The following TMCC1 variants were observed in gnomAD, a reference collection of about 807,000 sequenced individuals.
The protein encoded by TMCC1 is transmembrane and coiled-coil domains protein 1.
In TMCC1, 15 loss-of-function variants were observed where a neutral mutation model predicts 52.4. The observed-to-expected ratio is 0.29, with a 90% CI of 0.19 to 0.44. The LOEUF is 0.44. Ranked by LOEUF, TMCC1 falls within the 20% of genes least tolerant of loss-of-function variation. TMCC1 has a pLI of 1.00. For missense variants in TMCC1, 503 were observed against 806.0 expected (o/e 0.62, Z 4.55); for synonymous variants, 279 against 301.9 (o/e 0.92, Z 0.79).
chr3:129,799,201 T>G (rs757988622), intron 4 of TMCC1, among the ~76,000 whole-genome samples: 3 of 152,210 alleles, frequency 2.0e-5, no homozygotes, highest in Non-Finnish European at 4.4e-5. Flanking sequence ...CACGGCTCTT[T>G]GAAACATGCT....
At chr3:129,794,409 T>C (rs1428640706) in intron 4 of TMCC1, 2 of 455,582 alleles carry the variant, frequency 4.4e-6, no homozygotes, top group African/African-American at 2.0e-5. Context: ...AAGGGTTTTT[T>C]AAATAACAGC....
At chr3:129,664,668 G>A (rs983790762) in intron 5 of TMCC1, among the ~76,000 whole-genome samples, 10 of 152,154 alleles carry the variant, frequency 6.6e-5, no homozygotes, top group African/African-American at 2.4e-4. Flanking sequence ...CAGTAGCTCA[G>A]TAGGATTCCA....
At chr3:129,722,670 C>A (rs892963936) in intron 4 of TMCC1, among the ~76,000 whole-genome samples, 4 of 152,176 alleles carry the variant, frequency 2.6e-5, no homozygotes, top group African/African-American at 9.7e-5. Flanking sequence ...TTAGTCTCCA[C>A]CCACTATTCC....
At chr3:129,847,234 AGAGT>A (rs1286031165) in intron 2 of TMCC1, 9 of 152,218 alleles carry the variant, frequency 5.9e-5, no homozygotes, top group Non-Finnish European at 1.0e-4. Context: ...CTACGGAATA[AGAGT>A]GAGTTACATT....
At chr3:129,835,788 G>C (rs542234347) in intron 2 of TMCC1, among the ~76,000 whole-genome samples, 1 of 152,224 alleles carries the variant, frequency 6.6e-6, no homozygotes, top group South Asian at 2.1e-4. Flanking sequence ...TGTTACTCCA[G>C]AGGGAAAACA....
intron 4 of TMCC1, among the ~76,000 whole-genome samples, chr3:129,755,429 A>T (rs1232314713): frequency 6.6e-6 from 1 of 152,216 alleles, no homozygotes; most frequent in Non-Finnish European, 1.5e-5. Context: ...AAGAGAAAGG[A>T]GAAAGTGCTA....
At chr3:129,768,294 T>C (rs1313427156) in intron 4 of TMCC1, among the ~76,000 whole-genome samples, 1 of 152,212 alleles carries the variant, frequency 6.6e-6, no homozygotes, top group East Asian at 1.9e-4. Flanking sequence ...AGTATGAAGA[T>C]GTTTCATTAC....
intron 4 of TMCC1, among the ~76,000 whole-genome samples, chr3:129,797,946 C>T (rs1251475295): frequency 1.3e-5 from 2 of 149,900 alleles, no homozygotes; most frequent in Non-Finnish European, 3.0e-5. Context: ...AATTTAATTC[C>T]AAGTGGAAAG....
At chr3:129,799,095 A>G (rs2057026343) in intron 4 of TMCC1, among the ~76,000 whole-genome samples, 1 of 152,218 alleles carries the variant, frequency 6.6e-6, no homozygotes, top group Non-Finnish European at 1.5e-5. Flanking sequence ...TTGGTGATCA[A>G]AAATTTGAGT....
intron 4 of TMCC1, among the ~76,000 whole-genome samples, chr3:129,782,678 G>A (rs1336228405): frequency 6.6e-6 from 1 of 152,158 alleles, no homozygotes; most frequent in African/African-American, 2.4e-5. Context: ...AGTAGAAGGG[G>A]TTGGAGGAAA....
intron 6 of TMCC1, among the ~76,000 whole-genome samples, chr3:129,654,307 C>T (rs2086537642): frequency 6.6e-6 from 1 of 152,170 alleles, no homozygotes; most frequent in Admixed American, 6.5e-5. Context: ...TAAGCAGGGC[C>T]TGAAGAAGAT....
chr3:129,854,893 A>G (rs929304090), intron 2 of TMCC1, among the ~76,000 whole-genome samples: 4 of 152,186 alleles, frequency 2.6e-5, no homozygotes, highest in African/African-American at 9.6e-5. Flanking sequence ...TCCATGGGGG[A>G]AGGGTATCAC....
intron 4 of TMCC1, among the ~76,000 whole-genome samples, chr3:129,809,781 CA>C (rs2057698073): frequency 6.6e-6 from 1 of 152,196 alleles, no homozygotes; most frequent in Non-Finnish European, 1.5e-5. Flanking sequence ...ATTTTGCAAA[CA>C]ATTTTCCCGG....
Position 129,823,191 on chromosome 3 carries a change from T to C in TMCC1, c.576+4612A>G, listed in dbSNP as rs530915201. 2.0e-5 allele frequency among the ~76,000 whole-genome samples: 3 copies of C among 152,120 alleles called. No homozygotes were observed. The South Asian group carries it at 6.2e-4, about 32-fold the overall frequency. ...AAATATAAAAATTATACAGGCGTGG[T>C]GATGTGCGCCTGTAATCTCAGCTAC... On this transcript the variant is annotated intron_variant, in intron 4 of 6. Transcript: ENST00000393238.
chr3:129,819,846 C>T (rs1263556955), intron 4 of TMCC1: 1 of 151,952 alleles, frequency 6.6e-6, no homozygotes, highest in Non-Finnish European at 1.5e-5. Context: ...AAGAAGATGA[C>T]ACAAAAACTC....
At chr3:129,838,148 T>C (rs951677614) in intron 2 of TMCC1, among the ~76,000 whole-genome samples, 2 of 152,174 alleles carry the variant, frequency 1.3e-5, no homozygotes, top group African/African-American at 2.4e-5. Flanking sequence ...TGGTGCCTCA[T>C]GCCTATAATC....
rs112815555 is a variant in TMCC1 at position 129,650,753 on chromosome 3, T to TA, written c.*727dup. On this transcript the variant is annotated 3_prime_UTR_variant, in exon 7 of 7. Coordinates refer to ENST00000393238, the MANE Select transcript of TMCC1 (RefSeq NM_001017395.5). The stretch of plus-strand genomic sequence containing the variant: ...TTTTAGGTTGGTAACTATACACATA[T>TA]AAAAAAACCTTAAAAGTGCGGCCAA... 4.6e-5 allele frequency: 7 copies of TA among 152,678 alleles called. No homozygotes were observed. Among genetic ancestry groups the TA allele is most frequent in the South Asian group, 2.1e-4 (1 of 4,816 alleles). 9.5% of individuals were successfully genotyped at this position (152,678 alleles called of 1,614,324 possible).
chr3:129,778,888 T>C (rs2055278862), intron 4 of TMCC1, among the ~76,000 whole-genome samples: 1 of 152,174 alleles, frequency 6.6e-6, no homozygotes, highest in Admixed American at 6.5e-5. Context: ...CCTTTTTCCT[T>C]TATAAATTAT....
chr3:129,653,686 C>T (rs1255877019), intron 6 of TMCC1, among the ~76,000 whole-genome samples: 1 of 152,108 alleles, frequency 6.6e-6, no homozygotes, highest in Admixed American at 6.5e-5. Flanking sequence ...GATCCGCCCG[C>T]CTCGGCCTCC....
Sources: allele counts gnomAD v4.1 joint callset (sites outside exome capture counted in the v4.1 genomes callset), GRCh38; gene constraint gnomAD v4.1.1; transcripts MANE v1.5; gene names NCBI Gene and HGNC (gene_info 2026-07-23, HGNC 2026-07-21).